TWIST2: variants seen among roughly 807,000 people sequenced by gnomAD.
TWIST2 encodes twist-related protein 2.
A neutral mutation model predicts 11.6 loss-of-function variants in TWIST2; 1 was observed. The observed-to-expected ratio is 0.09, with a 90% CI of 0.03 to 0.41. TWIST2 has a LOEUF of 0.41. Ranked by LOEUF, TWIST2 falls within the 10% of genes least tolerant of loss-of-function variation. TWIST2 has a pLI of 0.98. For synonymous variants in TWIST2, 87 were observed against 96.6 expected (o/e 0.90, Z 0.58); for missense variants, 168 against 226.4 (o/e 0.74, Z 1.66).
intron 1 of TWIST2, among the ~76,000 whole-genome samples, chr2:238,862,521 A>G (rs1692453294): frequency 6.6e-6 from 1 of 152,222 alleles, no homozygotes; most frequent in African/African-American, 2.4e-5. Flanking sequence ...ATTATTTTTT[A>G]TTAAATTGGA....
chr2:238,880,204 T>C (rs1692886717), intron 1 of TWIST2, among the ~76,000 whole-genome samples: 1 of 151,794 alleles, frequency 6.6e-6, no homozygotes, highest in Admixed American at 6.6e-5. Context: ...TTGGTGTTAC[T>C]GTTAGTATTA....
chr2:238,883,275 G>A (rs375035569), intron 1 of TWIST2, among the ~76,000 whole-genome samples: 3 of 152,260 alleles, frequency 2.0e-5, no homozygotes, highest in African/African-American at 4.8e-5. Flanking sequence ...GTTTATCCTC[G>A]TGGAGACATG....
intron 1 of TWIST2, among the ~76,000 whole-genome samples, chr2:238,902,562 G>A (rs1465646322): frequency 1.3e-5 from 2 of 149,940 alleles, no homozygotes; most frequent in African/African-American, 2.5e-5. Context: ...GTGCGATGTG[G>A]GGTTGTGTAA....
chr2:238,859,744 C>CT, intron 1 of TWIST2, among the ~76,000 whole-genome samples: 1 of 152,256 alleles, frequency 6.6e-6, no homozygotes, highest in Middle Eastern at 3.4e-3. Context: ...CTAGTTGTGC[C>CT]TAAGAGCATT....
rs1693425028 is a variant in TWIST2, at chr2:238,909,882, A to T, written c.*76A>T. On this transcript the variant is annotated 3_prime_UTR_variant, in exon 2 of 2. Transcript: ENST00000612363. ...GGCGGCGCAAGTGGAATTGGGATGC[A>T]TTCGAGTCTGTAACTTCTGAAACCT... 1 of 152,182 alleles carries T rather than the reference A, an allele frequency of 6.6e-6. No homozygotes were observed. Among genetic ancestry groups the T allele is most frequent in the Non-Finnish European group, 1.5e-5 (1 of 68,052 alleles). 9.4% of individuals were successfully genotyped at this position (152,182 alleles called of 1,614,324 possible). A position where few individuals can be genotyped will look rare whatever the true frequency, so the allele number is the denominator to read the frequency against.
chr2:238,891,538 G>C (rs1693132676), intron 1 of TWIST2, among the ~76,000 whole-genome samples: 1 of 152,226 alleles, frequency 6.6e-6, no homozygotes, highest in South Asian at 2.1e-4. Flanking sequence ...GGGGGAGCTG[G>C]AGGGTGAGAG....
chr2:238,903,209 G>GTCTA (rs1693299677), intron 1 of TWIST2, among the ~76,000 whole-genome samples: 2 of 143,324 alleles, frequency 1.4e-5, no homozygotes, highest in African/African-American at 2.6e-5. Context: ...TGGGGTATGT[G>GTCTA]ATGTGAGGTT....
intron 1 of TWIST2, among the ~76,000 whole-genome samples, chr2:238,860,695 T>G (rs1214924021): frequency 6.6e-6 from 1 of 152,174 alleles, no homozygotes; most frequent in Non-Finnish European, 1.5e-5. Context: ...CCCAGCACTT[T>G]GGGAGGCCGA....
intron 1 of TWIST2, among the ~76,000 whole-genome samples, chr2:238,869,615 C>T (rs897384523): frequency 1.8e-4 from 27 of 152,144 alleles, no homozygotes; most frequent in Non-Finnish European, 2.6e-4. Flanking sequence ...ACACTACCAC[C>T]CATCAGAGAA....
In TWIST2 at chr2:238,867,103, C is replaced by T. The variant is rs1692553884; in HGVS notation, c.*35+18370C>T. On this transcript the variant is annotated intron_variant, in intron 1 of 1. Transcript: ENST00000612363. This position sits in a 1 kb window ranked among gnomAD's most constrained non-coding sequence, Gnocchi z 4.8. ...CTGGGGGTCTTGTGTTTGCCCCAAA[C>T]AGAGGAGCCAGCCTCTTGTTTCGAG... Among the ~76,000 whole-genome samples the T allele has an allele frequency of 6.6e-6, 1 of 152,174 alleles. No individual in the cohort carries two copies. The highest frequency in any genetic ancestry group is 2.1e-4 in the South Asian group (1 of 4,828).
intron 1 of TWIST2, among the ~76,000 whole-genome samples, chr2:238,851,090 C>T (rs1268118859): frequency 1.3e-5 from 2 of 152,202 alleles, no homozygotes; most frequent in Non-Finnish European, 2.9e-5. Context: ...TAATTATATG[C>T]ATCAGCAAAG....
intron 1 of TWIST2, among the ~76,000 whole-genome samples, chr2:238,853,674 C>A (rs1486783099): frequency 6.6e-6 from 1 of 152,132 alleles, no homozygotes; most frequent in East Asian, 1.9e-4. Flanking sequence ...AACTGAGGCA[C>A]AGTGTGATTT....
intron 1 of TWIST2, among the ~76,000 whole-genome samples, chr2:238,870,872 C>CCA (rs1473677451): frequency 3.1e-5 from 2 of 65,116 alleles, no homozygotes; most frequent in African/African-American, 1.3e-4. Context: ...CCCACACACA[C>CCA]CACACACACA....
intron 1 of TWIST2, among the ~76,000 whole-genome samples, chr2:238,905,962 TGC>T (rs1405894023): frequency 9.4e-6 from 1 of 105,884 alleles, no homozygotes; most frequent in South Asian, 2.8e-4. Context: ...TGTGTACGTG[TGC>T]GTGTGTGTGC....
Position 238,848,651 on chromosome 2 carries a change from T to G in TWIST2, c.436T>G (p.Ser146Ala), listed in dbSNP as rs1035458117. 3 of 1,536,858 alleles carry G rather than the reference T, an allele frequency of 2.0e-6. No homozygotes were observed. In the African/African-American group the frequency reaches 4.1e-5, roughly 21 times the overall value. The change falls in exon 1 of 2, where the codon TCC becomes GCC. Residue 146 changes from serine to alanine, a missense_variant. Physicochemically the swap from Ser to Ala is moderately conservative, Grantham distance 99. This residue lies in a region of TWIST2 where 62 missense variants were observed against 75.3 expected (regional missense o/e 0.82). Coordinates refer to ENST00000612363, the MANE Select transcript of TWIST2 (RefSeq NM_001271893.4). ...VAHERLSYAF[S>A]VWRMEGAWSM... ...CCACGAGCGCCTCAGCTACGCCTTC[T>G]CCGTGTGGCGCATGGAGGGCGCGTG...
At chr2:238,900,986 CTTT>C (rs1248385207) in intron 1 of TWIST2, among the ~76,000 whole-genome samples, 73 of 139,662 alleles carry the variant, frequency 5.2e-4, no homozygotes, top group Admixed American at 1.3e-3. Context: ...TCCCCCCCGG[CTTT>C]TTTTTTTTTT....
intron 1 of TWIST2, among the ~76,000 whole-genome samples, chr2:238,881,227 CAGTATT>C (rs1250411010): frequency 3.3e-4 from 43 of 128,802 alleles, no homozygotes; most frequent in African/African-American, 1.2e-3. Flanking sequence ...GTGTTAGTGT[CAGTATT>C]AGTATTAGTG....
intron 1 of TWIST2, among the ~76,000 whole-genome samples, chr2:238,908,825 G>A (rs1350951877): frequency 6.8e-6 from 1 of 146,570 alleles, no homozygotes; most frequent in Non-Finnish European, 1.5e-5. Context: ...GTATGTTTGT[G>A]TGGTGTGTGG....
At chr2:238,905,890 CATGCGCGTGT>C (rs1174429936) in intron 1 of TWIST2, among the ~76,000 whole-genome samples, 24 of 119,670 alleles carry the variant, frequency 2.0e-4, no homozygotes, top group South Asian at 3.1e-4. Flanking sequence ...CATGTGCGCG[CATGCGCGTGT>C]GTGCGTGTGT....
Sources: allele counts gnomAD v4.1 joint callset (sites outside exome capture counted in the v4.1 genomes callset), GRCh38; gene constraint gnomAD v4.1.1; regional missense constraint gnomAD v4.1.1; non-coding constraint Gnocchi (gnomAD v3.1); transcripts MANE v1.5; gene names NCBI Gene and HGNC (gene_info 2026-07-23, HGNC 2026-07-21).